Variants in RPRD1B observed in about 807,000 individuals in gnomAD.
RPRD1B encodes the protein regulation of nuclear pre-mRNA domain containing 1B, also known as regulation of nuclear pre-mRNA domain-containing protein 1B.
RPRD1B carries 11 observed loss-of-function variants against 41.5 expected under a neutral mutation model. The ratio of observed to expected loss-of-function variants is 0.27; its 90% CI spans 0.17 to 0.44. The LOEUF (loss-of-function observed/expected upper bound fraction) is 0.44, where lower values mean the gene tolerates loss of function less well. Ranked by LOEUF, RPRD1B falls within the 20% of genes least tolerant of loss-of-function variation. The pLI is 1.00. For missense variants in RPRD1B, 248 were observed against 389.9 expected, an observed-to-expected ratio of 0.64 and a Z score of 3.06; for synonymous variants, 158 against 155.6, an observed-to-expected ratio of 1.02 and a Z score of -0.12.
chr20:38,035,079 C>T (rs985382568), intron 1 of RPRD1B, among the ~76,000 whole-genome samples: 24 of 152,200 alleles, frequency 1.6e-4, no homozygotes, highest in Admixed American at 1.5e-3. Flanking sequence ...AACTGAGACT[C>T]ATCTCGTGGT....
chr20:38,034,695 C>T (rs952291372), intron 1 of RPRD1B, among the ~76,000 whole-genome samples: 4 of 152,212 alleles, frequency 2.6e-5, no homozygotes, highest in Non-Finnish European at 5.9e-5. Context: ...TCTCTCCCAT[C>T]TTAGGTTAAG....
Position 38,090,802 on chromosome 20 carries a change from C to CT in RPRD1B, c.*928dup, listed in dbSNP as rs1339842666. 2.5e-5 allele frequency: 25 copies of CT among 985,232 alleles called. No homozygotes were observed. The highest frequency in any genetic ancestry group is 1.0e-4 in the African/African-American group (6 of 57,166). 61.0% of individuals were successfully genotyped at this position (985,232 alleles called of 1,614,324 possible). On this transcript the variant is annotated 3_prime_UTR_variant, in exon 7 of 7. Transcript: ENST00000373433. ...CTTTCTTCTGGGAGTAGGGTACACA[C>CT]TAACGTTTAATCCGCTGTCTGGGTG...
chr20:38,059,692 T>C (rs1453363553), intron 5 of RPRD1B, among the ~76,000 whole-genome samples, 172 bp downstream of exon 5: 1 of 152,204 alleles, frequency 6.6e-6, no homozygotes, highest in Non-Finnish European at 1.5e-5. Context: ...AAGAAACTTT[T>C]GAAATAGTCA....
chr20:38,037,544 C>G (rs1419015227), intron 1 of RPRD1B, among the ~76,000 whole-genome samples: 1 of 152,190 alleles, frequency 6.6e-6, no homozygotes, highest in Non-Finnish European at 1.5e-5. Flanking sequence ...AGTGAGTTGT[C>G]CCCCAGGATT....
chr20:38,045,676 T>G (rs993417874), intron 2 of RPRD1B, among the ~76,000 whole-genome samples: 1 of 152,190 alleles, frequency 6.6e-6, no homozygotes, highest in Non-Finnish European at 1.5e-5. Flanking sequence ...GAATGGTGGG[T>G]GGTGGGTGTG....
chr20:38,059,384 C>T lies in RPRD1B; in HGVS notation c.529-10C>T. Reference sequence around the variant, plus strand: ...TAATGGGTAGTGTTGTTTGTGTTTTCATCTTACAGACTGAGGAACTAATCA... The same window carrying T: ...TAATGGGTAGTGTTGTTTGTGTTTTTATCTTACAGACTGAGGAACTAATCA... On this transcript the variant is annotated splice_polypyrimidine_tract_variant and intron_variant, in intron 4 of 6. Transcript: ENST00000373433. 2 of 1,607,260 alleles carry T rather than the reference C, an allele frequency of 1.2e-6. No homozygotes were observed. The highest frequency in any genetic ancestry group is 8.5e-7 in the Non-Finnish European group (1 of 1,176,358).
At chr20:38,084,984 A>G (rs1324347353) in intron 6 of RPRD1B, among the ~76,000 whole-genome samples, 2 of 152,130 alleles carry the variant, frequency 1.3e-5, no homozygotes, top group East Asian at 3.9e-4. Context: ...GGGGCCCCCC[A>G]CGGCTCTTCT....
At chr20:38,067,524 A>T (rs927199048) in intron 6 of RPRD1B, among the ~76,000 whole-genome samples, 1 of 152,164 alleles carries the variant, frequency 6.6e-6, no homozygotes, top group Non-Finnish European at 1.5e-5. Context: ...AGATCATTGT[A>T]TTTGCCTTTC....
chr20:38,053,143 C>T (rs2074205628), intron 3 of RPRD1B, among the ~76,000 whole-genome samples: 1 of 151,942 alleles, frequency 6.6e-6, no homozygotes, highest in Admixed American at 6.6e-5. Flanking sequence ...TAAATATATA[C>T]CGTGGTAGAA....
chr20:38,060,487 C>T (rs1007805855), intron 5 of RPRD1B, among the ~76,000 whole-genome samples: 6 of 152,206 alleles, frequency 3.9e-5, no homozygotes, highest in African/African-American at 1.2e-4. Flanking sequence ...GCAGTGGGAG[C>T]GGAAAATGAT....
chr20:38,034,501 A>G (rs1043658655), intron 1 of RPRD1B, among the ~76,000 whole-genome samples: 1 of 152,064 alleles, frequency 6.6e-6, no homozygotes, highest in South Asian at 2.1e-4. Context: ...TGGCTCAGCT[A>G]TTTGCCAGCT....
chr20:38,091,590 A>G lies in RPRD1B; in HGVS notation c.*1715A>G. On this transcript the variant is annotated 3_prime_UTR_variant, in exon 7 of 7. Transcript: ENST00000373433. ...CATAGGTGACATCACTAAAATTGCAAGATAAATTGTAATCTTTGCTGCTGC... is the reference window on the plus strand; with the variant it reads ...CATAGGTGACATCACTAAAATTGCAGGATAAATTGTAATCTTTGCTGCTGC... 1.0e-6 allele frequency: 1 copy of G among 985,466 alleles called. No individual in the cohort carries two copies. The highest frequency in any genetic ancestry group is 1.2e-6 in the Non-Finnish European group (1 of 829,996). 61.0% of individuals were successfully genotyped at this position (985,466 alleles called of 1,614,324 possible).
intron 2 of RPRD1B, among the ~76,000 whole-genome samples, chr20:38,045,928 G>A (rs1162875249): frequency 3.9e-5 from 6 of 152,128 alleles, no homozygotes; most frequent in Admixed American, 3.3e-4. Flanking sequence ...TGCAGGCCAC[G>A]TGCTTTAATA....
chr20:38,033,982 A>C lies in RPRD1B; in HGVS notation c.35A>C (p.Lys12Thr). The change falls in exon 1 of 7, where the codon AAG becomes ACG. Residue 12 changes from lysine (K) to threonine (T), a missense_variant. Lys to Thr is a moderately conservative substitution (Grantham distance 78). Around this residue, in one of 5 missense-constraint regions of RPRD1B, gnomAD observed 14 missense variants for 19.9 expected, o/e 0.70. Coordinates refer to ENST00000373433, the MANE Select transcript of RPRD1B (RefSeq NM_021215.4). ...TTCTCTGAGTCGGCGCTGGAGAAGAAGCTCTCGGAGCTGAGCAACTCTCAG... is the reference window on the plus strand; with the variant it reads ...TTCTCTGAGTCGGCGCTGGAGAAGACGCTCTCGGAGCTGAGCAACTCTCAG... ...SSFSESALEKKLSELSNSQQS... is the reference protein window; with the variant it reads ...SSFSESALEKTLSELSNSQQS... 1 of 1,613,530 alleles carries C rather than the reference A, an allele frequency of 6.2e-7. No homozygotes were observed. Among genetic ancestry groups the C allele is most frequent in the Non-Finnish European group, 8.5e-7 (1 of 1,179,710 alleles).
rs2074598814 is a variant in RPRD1B, at chr20:38,089,936, T to C, written c.*61T>C. 6.3e-7 allele frequency: 1 copy of C among 1,585,124 alleles called. No homozygotes were observed. On this transcript the variant is annotated 3_prime_UTR_variant, in exon 7 of 7. Transcript: ENST00000373433. ...GCAGAAAGAAGAGGGCAAGTCATGG[T>C]TGGAAATAACCTTCTAGCCCCTGGT...
intron 5 of RPRD1B, among the ~76,000 whole-genome samples, chr20:38,063,694 A>T (rs1600417162): frequency 6.6e-6 from 1 of 152,152 alleles, no homozygotes; most frequent in Non-Finnish European, 1.5e-5. Flanking sequence ...CGGCTGCAGA[A>T]GTTTAGTCTT....
intron 3 of RPRD1B, chr20:38,049,886 C>G (rs1347655769): frequency 4.3e-6 from 2 of 470,152 alleles, no homozygotes; most frequent in Non-Finnish European, 8.8e-6. Flanking sequence ...GCCACTTCCT[C>G]ACTTACACTG....
intron 1 of RPRD1B, among the ~76,000 whole-genome samples, chr20:38,035,449 A>C (rs2073992239): frequency 6.6e-6 from 1 of 152,216 alleles, no homozygotes; most frequent in South Asian, 2.1e-4. Context: ...AAGGCTTTCG[A>C]ACTGAACAGG....
chr20:38,087,482 C>T (rs2074572837), intron 6 of RPRD1B, among the ~76,000 whole-genome samples: 1 of 152,126 alleles, frequency 6.6e-6, no homozygotes, highest in Non-Finnish European at 1.5e-5. Flanking sequence ...GAAGGGCTCC[C>T]TAGTTGCCAA....
Sources: gnomAD v4.1 joint callset for allele counts (sites outside exome capture counted in the v4.1 genomes callset) on GRCh38, gnomAD v4.1.1 for gene constraint, gnomAD v4.1.1 regional missense constraint, MANE v1.5 for transcripts, NCBI Gene and HGNC (gene_info 2026-07-23, HGNC 2026-07-21) for gene names.